The following LHB variants were observed in gnomAD, a reference collection of about 807,000 sequenced individuals.
LHB encodes lutropin subunit beta.
In LHB, 11 loss-of-function variants were observed where a neutral mutation model predicts 10.6. That is an observed-to-expected ratio of 1.04 (90% confidence interval 0.66 to 1.72). The LOEUF is 1.72. Among genes scored for constraint, LHB ranks in the 40% most tolerant of loss-of-function variants. LHB has a pLI of 0.00. For synonymous variants in LHB, 86 were observed against 83.1 expected (o/e 1.03, Z -0.19); for missense variants, 184 against 197.3 (o/e 0.93, Z 0.41).
upstream of LHB, chr19:49,018,734 T>C: frequency 1.3e-6 from 1 of 743,862 alleles, no homozygotes; most frequent in Non-Finnish European, 2.2e-6. Flanking sequence ...GGCTGAGGCC[T>C]GAACTTTGGT....
chr19:49,018,052 C>T, upstream of LHB: 1 of 398,790 alleles, frequency 2.5e-6, no homozygotes, highest in Non-Finnish European at 4.4e-6. Context: ...CCCGCAGGGG[C>T]TTCCAGTGCG....
At chr19:49,018,639 A>T (rs1281028728), upstream of LHB, among the ~76,000 whole-genome samples, 13 of 151,968 alleles carry the variant, frequency 8.6e-5, no homozygotes, top group South Asian at 2.7e-3. Flanking sequence ...AATCCCCTCG[A>T]GCCGCTGTGC....
rs1056914 is a variant in LHB at position 49,016,598 on chromosome 19, T to G, written c.132A>C (p.Pro44=). Residue 44 remains proline (P), a synonymous_variant, in exon 2 of 3, where the codon CCA becomes CCC. Coordinates refer to ENST00000649238, the MANE Select transcript of LHB (RefSeq NM_000894.3). Reference sequence around the variant, plus strand: ...TGGTGGTGTTGACGGTGATGCACACTGGGCAGCCCTCCTTCTCGACAGCCA... The same window carrying G: ...TGGTGGTGTTGACGGTGATGCACACGGGGCAGCCCTCCTTCTCGACAGCCA... ...AILAVEKEGC[P]VCITVNTTIC... The G allele has an allele frequency of 0.51, 811,794 of 1,597,094 alleles. 211,537 individuals are homozygous for G. The highest frequency in any genetic ancestry group is 0.66 in the African/African-American group (49,005 of 74,040).
Position 49,016,526 on chromosome 19 carries a change from C to T in LHB, c.183+21G>A, listed in dbSNP as rs1228770635. 3 of 1,542,104 alleles carry T rather than the reference C, an allele frequency of 1.9e-6. No homozygotes were observed. In the South Asian group the frequency reaches 3.4e-5, roughly 17 times the overall value. On this transcript the variant is annotated intron_variant, in intron 2 of 2. Transcript: ENST00000649238. ...CTGGCCCTGAGGTGGCAGCATCTGC[C>T]CCTGGCCCCAGGCAGCTCACCATGG...
upstream of LHB, chr19:49,018,086 G>T (rs2039589050): frequency 5.0e-6 from 2 of 398,812 alleles, no homozygotes; most frequent in African/African-American, 4.1e-5. Context: ...CGCCTCCAGC[G>T]GGCAGAAGCG....
chr19:49,019,397 A>G, upstream of LHB: 1 of 1,252,854 alleles, frequency 8.0e-7, no homozygotes, highest in Non-Finnish European at 1.0e-6. Context: ...CCGTCTCAGA[A>G]TATTCTAGTC....
In LHB at chr19:49,016,112, AG is replaced by A. The variant is rs1350087209; in HGVS notation, c.381del (p.Leu128Ter). ...TSDCGGPKDH[P>X]LTCDHPQLSG... ...GAGAGTTGGGGGTGGTCACAGGTCA[AG>A]GGGTGGTCTTTGGGACCCCCACAGT... is the stretch of plus-strand genomic sequence containing the variant. On this transcript the variant is annotated frameshift_variant, in exon 3 of 3. Transcript: ENST00000649238. LOFTEE classifies it high-confidence loss of function. 2.2e-5 allele frequency: 36 copies of A among 1,612,880 alleles called. No homozygotes were observed. The highest frequency in any genetic ancestry group is 2.9e-5 in the Non-Finnish European group (34 of 1,180,026).
upstream of LHB, among the ~76,000 whole-genome samples, chr19:49,018,542 C>A (rs562164078): frequency 6.6e-6 from 1 of 152,192 alleles, no homozygotes; most frequent in South Asian, 2.1e-4. Flanking sequence ...CTTTCGCATC[C>A]TAGGGAAGTA....
Position 49,016,522 on chromosome 19 carries a change from C to T in LHB, c.183+25G>A, listed in dbSNP as rs372572532. 424 of 1,542,486 alleles carry T rather than the reference C, an allele frequency of 2.7e-4. 1 individual carries two copies. Among genetic ancestry groups the T allele is most frequent in the Non-Finnish European group, 3.4e-4 (387 of 1,154,244 alleles). On this transcript the variant is annotated intron_variant, in intron 2 of 2. Coordinates refer to ENST00000649238, the MANE Select transcript of LHB (RefSeq NM_000894.3). ...GGGTCTGGCCCTGAGGTGGCAGCAT[C>T]TGCCCCTGGCCCCAGGCAGCTCACC...
At chr19:49,016,385 A>C (rs1484521003) in intron 2 of LHB, 75 bp from the exon 3 acceptor site, 5 of 1,602,236 alleles carry the variant, frequency 3.1e-6, no homozygotes, top group African/African-American at 1.3e-5. Flanking sequence ...AGCTGACCCC[A>C]CAGGTCCTGG....
chr19:49,019,284 T>G (rs1253540905), upstream of LHB: 2 of 1,211,118 alleles, frequency 1.7e-6, no homozygotes, highest in African/African-American at 4.3e-5. Flanking sequence ...AAAAACAACC[T>G]CCCTGGTTCC....
chr19:49,018,380 C>A, upstream of LHB: 1 of 1,180,322 alleles, frequency 8.5e-7, no homozygotes, highest in Non-Finnish European at 1.1e-6. Flanking sequence ...ACAGCTGGAT[C>A]CTTGGGGACG....
Position 49,016,162 on chromosome 19 carries a change from CCACAGCGACAG to C in LHB, c.321_331del (p.Ser107ArgfsTer9), listed in dbSNP as rs2039547325. 3 of 1,612,602 alleles carry C rather than the reference CCACAGCGACAG, an allele frequency of 1.9e-6. No homozygotes were observed. Among genetic ancestry groups the C allele is most frequent in the Non-Finnish European group, 1.7e-6 (2 of 1,180,018 alleles). ...GTCAGAGGTGCTGCGGCGGCAGGGT[CCACAGCGACAG>C]CTGAGAGCCACAGGGAAGGAGACCA... On this transcript the variant is annotated frameshift_variant, in exon 3 of 3. Coordinates refer to ENST00000649238, the MANE Select transcript of LHB (RefSeq NM_000894.3). LOFTEE classifies it high-confidence loss of function.
chr19:49,017,466 C>T, upstream of LHB: 3 of 1,146,040 alleles, frequency 2.6e-6, no homozygotes, highest in Non-Finnish European at 3.3e-6. Context: ...CAACCCTCCA[C>T]TTGAGGCTTT....
chr19:49,016,928 C>A lies in LHB; in HGVS notation c.15+139G>T, dbSNP rs35612764. The A allele has an allele frequency of 2.9e-4, 465 of 1,604,120 alleles. 2 individuals carry two copies. The highest frequency in any genetic ancestry group is 6.6e-5 in the South Asian group (6 of 90,296). On this transcript the variant is annotated intron_variant, in intron 1 of 2. Transcript: ENST00000649238. ...CATTTCAGATCCCCACCCTCAGGAA[C>A]TGCCCCACCTGAAGCTTACTGGGGG...
upstream of LHB, chr19:49,018,830 G>A (rs2039596335): frequency 5.4e-6 from 8 of 1,473,378 alleles, no homozygotes; most frequent in South Asian, 9.7e-5. Flanking sequence ...CGGCCACGGC[G>A]GGGGCTGTGC....
Position 49,016,711 on chromosome 19 carries a change from G to T in LHB, c.19C>A (p.Leu7Met). MEMLQG[L>M]LLLLLLSMGG... ...ATGCTCAGCAGCAGCAACAGCAGCAGCCCCTGGGACAAGGACACTGCTTCA... is the reference window on the plus strand; with the variant it reads ...ATGCTCAGCAGCAGCAACAGCAGCATCCCCTGGGACAAGGACACTGCTTCA... The change falls in exon 2 of 3, where the codon CTG becomes ATG. Residue 7 changes from leucine (L) to methionine (M), a missense_variant. Transcript: ENST00000649238. 3 of 1,611,068 alleles carry T rather than the reference G, an allele frequency of 1.9e-6. No individual in the cohort carries two copies. The highest frequency in any genetic ancestry group is 2.5e-6 in the Non-Finnish European group (3 of 1,179,798).
upstream of LHB, chr19:49,018,220 G>T: frequency 3.3e-6 from 2 of 607,654 alleles, no homozygotes; most frequent in East Asian, 3.5e-5. Flanking sequence ...GCGGTGGTCG[G>T]GGCGGCCGGG....
At chr19:49,019,336 C>T, upstream of LHB, 1 of 1,183,262 alleles carries the variant, frequency 8.5e-7, no homozygotes. Context: ...TGGAGCTGAG[C>T]TGCATCTTGG....
Sources: gnomAD v4.1 joint callset for allele counts (sites outside exome capture counted in the v4.1 genomes callset) on GRCh38, gnomAD v4.1.1 for gene constraint, MANE v1.5 for transcripts, NCBI Gene and HGNC (gene_info 2026-07-23, HGNC 2026-07-21) for gene names.